Variants in CTNNA3 observed in about 807,000 individuals in gnomAD.
CTNNA3 encodes catenin alpha-3.
CTNNA3 carries 76 observed loss-of-function variants against 95.7 expected under a neutral mutation model. That is an observed-to-expected ratio of 0.79 (90% CI 0.66 to 0.96). The LOEUF (loss-of-function observed/expected upper bound fraction) is 0.96, where lower values mean the gene tolerates loss of function less well. Ranked by LOEUF, CTNNA3 falls within the 40% of genes least tolerant of loss-of-function variation. The probability of loss-of-function intolerance (pLI) is 0.00; values close to 1 mark genes in which losing one functional copy is unlikely to be tolerated. For synonymous variants in CTNNA3, 431 were observed against 374.4 expected (o/e 1.15, Z -1.74); for missense variants, 1,191 against 1,089.8 (o/e 1.09, Z -1.31).
intron 7 of CTNNA3, among the ~76,000 whole-genome samples, chr10:67,078,506 T>C (rs1485165673): frequency 2.0e-5 from 3 of 149,860 alleles, no homozygotes; most frequent in Non-Finnish European, 4.4e-5. Context: ...AATTTTTTTC[T>C]GATACCTTTT....
intron 11 of CTNNA3, among the ~76,000 whole-genome samples, chr10:66,408,385 C>T (rs1255831971): frequency 6.8e-6 from 1 of 147,018 alleles, no homozygotes; most frequent in African/African-American, 2.5e-5. Context: ...TATTTATTTT[C>T]ATAGAGTATA....
At chr10:67,657,804 G>A (rs1017997724) in intron 1 of CTNNA3, among the ~76,000 whole-genome samples, 2 of 133,178 alleles carry the variant, frequency 1.5e-5, no homozygotes, top group Non-Finnish European at 3.0e-5. Context: ...CTGAGATCAC[G>A]CCATTGCACT....
At chr10:67,711,736 C>A (rs148204754) in intron 1 of CTNNA3, among the ~76,000 whole-genome samples, 13,238 of 120,154 alleles carry the variant, frequency 0.11, 694 homozygotes, top group Middle Eastern at 0.2. Context: ...CTCCCCCCTC[C>A]CCCCACCCCA....
chr10:67,479,693 C>A (rs898266397), intron 5 of CTNNA3, among the ~76,000 whole-genome samples: 1 of 152,002 alleles, frequency 6.6e-6, no homozygotes, highest in African/African-American at 2.4e-5. Flanking sequence ...AAAACAGGAA[C>A]AAACTAACCC....
chr10:67,571,900 GA>G (rs899749578), intron 3 of CTNNA3, among the ~76,000 whole-genome samples: 3 of 152,152 alleles, frequency 2.0e-5, no homozygotes, highest in African/African-American at 7.2e-5. Flanking sequence ...TTCAGCTATT[GA>G]AAAACTTTAA....
At chr10:66,727,994 T>G (rs1192573500) in intron 9 of CTNNA3, among the ~76,000 whole-genome samples, 1 of 152,164 alleles carries the variant, frequency 6.6e-6, no homozygotes, top group Non-Finnish European at 1.5e-5. Flanking sequence ...GAATTAAAAG[T>G]AGTAGGACGC....
At chr10:67,566,109 A>G (rs1398870644) in intron 3 of CTNNA3, among the ~76,000 whole-genome samples, 1 of 113,960 alleles carries the variant, frequency 8.8e-6, no homozygotes, top group Non-Finnish European at 1.8e-5. Flanking sequence ...ACATAGGCAT[A>G]GGCAAGGACT....
At chr10:66,680,397 C>T (rs1176585089) in intron 9 of CTNNA3, among the ~76,000 whole-genome samples, 1 of 151,992 alleles carries the variant, frequency 6.6e-6, no homozygotes, top group Admixed American at 6.6e-5. Context: ...TTATTATATC[C>T]ATCAATGTAA....
At chr10:67,546,398 G>T (rs1287773590) in intron 3 of CTNNA3, among the ~76,000 whole-genome samples, 1 of 152,060 alleles carries the variant, frequency 6.6e-6, no homozygotes, top group African/African-American at 2.4e-5. Flanking sequence ...CTCTCAAAAT[G>T]CTGGGATTAT....
intron 7 of CTNNA3, among the ~76,000 whole-genome samples, chr10:66,848,141 C>G (rs1257577471): frequency 1.3e-5 from 2 of 152,070 alleles, no homozygotes; most frequent in African/African-American, 4.8e-5. Context: ...ATTTAAAAGC[C>G]AAATGAAAGA....
intron 5 of CTNNA3, among the ~76,000 whole-genome samples, chr10:67,410,595 A>G (rs1845326388): frequency 6.6e-6 from 1 of 151,682 alleles, no homozygotes; most frequent in African/African-American, 2.4e-5. Context: ...CAGAATGTAA[A>G]TTAGTACAGC....
At chr10:66,407,604 A>G (rs1049201318) in intron 11 of CTNNA3, among the ~76,000 whole-genome samples, 2 of 149,372 alleles carry the variant, frequency 1.3e-5, no homozygotes, top group Non-Finnish European at 2.9e-5. Context: ...TTTTTGAGAC[A>G]GAGTCTCGCT....
chr10:66,140,873 G>A lies in CTNNA3; in HGVS notation c.1885-37624C>T, dbSNP rs78815383. On this transcript the variant is annotated intron_variant, in intron 13 of 17. Coordinates refer to ENST00000433211, the MANE Select transcript of CTNNA3 (RefSeq NM_013266.4). ...TATGCTTCTTTATGTTTTTATTTAA[G>A]AGATTTTGTCATTGTTGTTGCTGTT... 9.9e-3 allele frequency among the ~76,000 whole-genome samples: 1,512 copies of A among 152,236 alleles called. 34 individuals are homozygous for A. The highest frequency in any genetic ancestry group is 0.034 in the African/African-American group (1,433 of 41,544).
chr10:66,043,330 T>C (rs948437326), intron 15 of CTNNA3, among the ~76,000 whole-genome samples: 3 of 152,162 alleles, frequency 2.0e-5, no homozygotes, highest in East Asian at 1.9e-4. Flanking sequence ...TGGATGCACA[T>C]TGAACCCCAA....
At chr10:66,268,247 G>A (rs185311751) in intron 13 of CTNNA3, among the ~76,000 whole-genome samples, 4 of 152,192 alleles carry the variant, frequency 2.6e-5, no homozygotes, top group East Asian at 1.9e-4. Context: ...GATGGGGTTC[G>A]TGTCTCCTCT....
intron 5 of CTNNA3, among the ~76,000 whole-genome samples, chr10:67,432,159 C>G (rs2132900428): frequency 6.6e-6 from 1 of 151,772 alleles, no homozygotes; most frequent in Non-Finnish European, 1.5e-5. Context: ...TGGTCTGGAA[C>G]CAATTAACTA....
chr10:66,885,818 A>G (rs940094102), intron 7 of CTNNA3, among the ~76,000 whole-genome samples: 4 of 152,122 alleles, frequency 2.6e-5, no homozygotes, highest in African/African-American at 4.8e-5. Flanking sequence ...TTTGTAACAC[A>G]CCTCTGGCAT....
chr10:66,202,489 C>G (rs973110793), intron 13 of CTNNA3, among the ~76,000 whole-genome samples: 5 of 152,166 alleles, frequency 3.3e-5, no homozygotes, highest in African/African-American at 1.2e-4. Flanking sequence ...CATGTGACTG[C>G]GCTGGAGTCT....
chr10:66,668,338 G>A (rs1288147524), intron 9 of CTNNA3, among the ~76,000 whole-genome samples: 1 of 151,690 alleles, frequency 6.6e-6, no homozygotes, highest in African/African-American at 2.4e-5. Context: ...TGAGGAGCCT[G>A]TTTCCATTTT....
Sources: gnomAD v4.1 joint callset for allele counts (sites outside exome capture counted in the v4.1 genomes callset) on GRCh38, gnomAD v4.1.1 for gene constraint, MANE v1.5 for transcripts, NCBI Gene and HGNC (gene_info 2026-07-23, HGNC 2026-07-21) for gene names.